The following MEGF8 variants were observed in gnomAD, a reference collection of about 807,000 sequenced individuals.
MEGF8 encodes multiple EGF like domains 8.
Under a neutral mutation model 302.9 loss-of-function variants are expected in MEGF8, and 156 were observed. That is an observed-to-expected ratio of 0.52 (90% CI 0.45 to 0.59). MEGF8 has a LOEUF of 0.59. Ranked by LOEUF, MEGF8 falls within the 20% of genes least tolerant of loss-of-function variation. MEGF8 has a pLI of 0.00. For synonymous variants in MEGF8, 1,621 were observed against 1,660.5 expected (o/e 0.98, Z 0.58); for missense variants, 3,345 against 3,964.5 (o/e 0.84, Z 4.20).
chr19:42,369,855 C>A lies in MEGF8; in HGVS notation c.6834+132C>A. 9.2e-7 allele frequency: 1 copy of A among 1,087,822 alleles called. No homozygotes were observed. The allele number at this position is 1,087,822 out of a possible 1,614,324, so 67.4% of individuals were successfully genotyped here. A position where few individuals can be genotyped will look rare whatever the true frequency, so the allele number is the denominator to read the frequency against. On this transcript the variant is annotated intron_variant, in intron 38 of 41. Transcript: ENST00000251268. This position sits in a 1 kb window ranked among gnomAD's most constrained non-coding sequence, Gnocchi z 5.7. ...GGGACAGATAAGCCAGAGCCCTGTC[C>A]CAGGGAGATGTGTGGAGACTTGGGG...
In MEGF8 at chr19:42,375,873, G is replaced by A; in HGVS notation, c.7636G>A (p.Ala2546Thr). ...CCCTGCAGATGGTGGGCCCCGGGGG[G>A]CTGGGGATCCAGGAGGAGCAGGGGC... ...PPPADGGPRG[A>T]GDPGGAGASS... Residue 2546 changes from alanine (A) to threonine (T), a missense_variant, in exon 42 of 42, where the codon GCT (alanine) becomes ACT (threonine). Ala to Thr is a moderately conservative substitution (Grantham distance 58, BLOSUM62 0). Coordinates refer to ENST00000251268, the MANE Select transcript of MEGF8 (RefSeq NM_001271938.2). The surrounding 1 kb of genome is among the most constrained non-coding windows in gnomAD (Gnocchi z 7.1). 1 of 1,606,224 alleles carries A rather than the reference G, an allele frequency of 6.2e-7. No homozygotes were observed. The highest frequency in any genetic ancestry group is 8.5e-7 in the Non-Finnish European group (1 of 1,176,450).
chr19:42,354,828 G>T lies in MEGF8; in HGVS notation c.4144+108G>T. On this transcript the variant is annotated intron_variant, in intron 23 of 41. Transcript: ENST00000251268. The surrounding 1 kb of genome is among the most constrained non-coding windows in gnomAD (Gnocchi z 4.3). Reference sequence around the variant, plus strand: ...AGGACCCAGCTCTGCCGCTGCTTATGGGGTGATGTAGTCCCTCACCATCTC... The same window carrying T: ...AGGACCCAGCTCTGCCGCTGCTTATTGGGTGATGTAGTCCCTCACCATCTC... 1.6e-6 allele frequency: 2 copies of T among 1,237,260 alleles called. No individual in the cohort carries two copies. The highest frequency in any genetic ancestry group is 1.1e-6 in the Non-Finnish European group (1 of 908,514). The allele number at this position is 1,237,260 out of a possible 1,614,324, so 76.6% of individuals were successfully genotyped here. A position where few individuals can be genotyped will look rare whatever the true frequency, so the allele number is the denominator to read the frequency against.
In MEGF8 at chr19:42,344,343, C is replaced by T. The variant is rs1363340556; in HGVS notation, c.1789-98C>T. On this transcript the variant is annotated intron_variant, in intron 10 of 41. Coordinates refer to ENST00000251268, the MANE Select transcript of MEGF8 (RefSeq NM_001271938.2). The surrounding 1 kb of genome is among the most constrained non-coding windows in gnomAD (Gnocchi z 4.5). ...TCAACTCCCCGTTCTTCAGTTTTTT[C>T]GCCCTTTCCATCGCAGGACCCTGTA... is the stretch of plus-strand genomic sequence containing the variant. 37 of 1,346,350 alleles carry T rather than the reference C, an allele frequency of 2.7e-5. No homozygotes were observed. The highest frequency in any genetic ancestry group is 1.9e-4 in the South Asian group (14 of 71,822). The allele number at this position is 1,346,350 out of a possible 1,614,324, so 83.4% of individuals were successfully genotyped here.
intron 41 of MEGF8, among the ~76,000 whole-genome samples, chr19:42,372,746 C>T (rs996383016): frequency 6.6e-6 from 1 of 151,656 alleles, no homozygotes; most frequent in Non-Finnish European, 1.5e-5. Flanking sequence ...GATCTTTGCT[C>T]GAGGCAGCCT....
chr19:42,366,091 AAAG>A (rs550491292), intron 35 of MEGF8, among the ~76,000 whole-genome samples: 126 of 152,334 alleles, frequency 8.3e-4, no homozygotes, highest in African/African-American at 2.9e-3. Flanking sequence ...AAAGAAAAAA[AAAG>A]AAGTGTTGGC....
rs1215918793 is a variant in MEGF8, at chr19:42,353,960, C to T, written c.3947C>T (p.Ala1316Val). The part of the protein sequence containing the change: ...VSATEELQPC[A>V]PGTLCPPLTL... Reference sequence around the variant, plus strand: ...GCCACTGAGGAGCTACAGCCCTGTGCTCCCGGGACCCTCTGTCCCCCACTC... The same window carrying T: ...GCCACTGAGGAGCTACAGCCCTGTGTTCCCGGGACCCTCTGTCCCCCACTC... Residue 1316 changes from alanine (A) to valine (V), a missense_variant, in exon 22 of 42, where the codon GCT (alanine) becomes GTT (valine). Ala to Val is a moderately conservative substitution (Grantham distance 64). Transcript: ENST00000251268. This position sits in a 1 kb window ranked among gnomAD's most constrained non-coding sequence, Gnocchi z 6.1. The T allele has an allele frequency of 6.3e-7, 1 of 1,582,526 alleles. No individual in the cohort carries two copies. The highest frequency in any genetic ancestry group is 8.6e-7 in the Non-Finnish European group (1 of 1,164,566).
chr19:42,371,431 C>T lies in MEGF8; in HGVS notation c.7218C>T (p.Gly2406=), dbSNP rs1488215446. ...CATGTCAGAATAACACAGAGACGGGCACATGCCAGGGCAGCTCCCCCAGTG... is the reference window on the plus strand; with the variant it reads ...CATGTCAGAATAACACAGAGACGGGTACATGCCAGGGCAGCTCCCCCAGTG... ...GCPCQNNTET[G]TCQGSSPSDR... is the part of the protein sequence containing the mutation. The change falls in exon 41 of 42, where the codon GGC becomes GGT. Residue 2406 remains glycine, a synonymous_variant. Coordinates refer to ENST00000251268, the MANE Select transcript of MEGF8 (RefSeq NM_001271938.2). 1 of 1,613,858 alleles carries T rather than the reference C, an allele frequency of 6.2e-7. No individual in the cohort carries two copies. The highest frequency in any genetic ancestry group is 8.5e-7 in the Non-Finnish European group (1 of 1,179,910).
rs944170737 is a variant in MEGF8, at chr19:42,355,439, C to T, written c.4145-319C>T. ...AGGGCCCAATTCACGTTTTGAGGAT[C>T]GCTGGGCCACCATGAGTGGGGAGTG... On this transcript the variant is annotated intron_variant, in intron 23 of 41. Transcript: ENST00000251268. 7.9e-5 allele frequency among the ~76,000 whole-genome samples: 12 copies of T among 152,164 alleles called. No individual in the cohort carries two copies. The South Asian group carries it at 1.0e-3, about 13-fold the overall frequency.
Position 42,377,765 on chromosome 19 carries a change from T to A in MEGF8, c.*990T>A, listed in dbSNP as rs1328404068. On this transcript the variant is annotated 3_prime_UTR_variant, in exon 42 of 42. Coordinates refer to ENST00000251268, the MANE Select transcript of MEGF8 (RefSeq NM_001271938.2). ...TTGCGTCACTGCACTCCAACCTGGG[T>A]GACAGAGCGAGACTCCACCTCAAAA... 1 of 147,322 alleles carries A rather than the reference T, an allele frequency of 6.8e-6. No individual in the cohort carries two copies. Among genetic ancestry groups the A allele is most frequent in the East Asian group, 2.0e-4 (1 of 5,056 alleles). 9.1% of individuals were successfully genotyped at this position (147,322 alleles called of 1,614,324 possible).
intron 12 of MEGF8, among the ~76,000 whole-genome samples, chr19:42,346,410 C>T (rs950647800): frequency 2.0e-5 from 3 of 151,852 alleles, no homozygotes; most frequent in Admixed American, 6.6e-5. Context: ...GGCGTGATGT[C>T]GGGTGCCTGT....
chr19:42,366,850 C>T (rs1280413606), intron 35 of MEGF8, among the ~76,000 whole-genome samples: 1 of 152,180 alleles, frequency 6.6e-6, no homozygotes, highest in Non-Finnish European at 1.5e-5. Context: ...CCACCATCTG[C>T]CAACAAGTGC....
Position 42,358,943 on chromosome 19 carries a change from C to A in MEGF8, c.5332C>A (p.His1778Asn), listed in dbSNP as rs746722708. 1.4e-5 allele frequency: 22 copies of A among 1,609,814 alleles called. 1 individual carries two copies. The South Asian group carries it at 2.3e-4, about 17-fold the overall frequency. ...TGGFLEEISPHLKEPRPRLFH... is the reference protein window; with the variant it reads ...TGGFLEEISPNLKEPRPRLFH... ...AGGTTTCCTGGAGGAAATCTCACCT[C>A]ACCTGAAGGAGGTGAGATTTGAAGA... Residue 1778 changes from histidine (H) to asparagine (N), a missense_variant, in exon 30 of 42, where the codon CAC becomes AAC. His to Asn is a moderately conservative substitution (Grantham distance 68). Transcript: ENST00000251268. This position sits in a 1 kb window ranked among gnomAD's most constrained non-coding sequence, Gnocchi z 4.4.
Position 42,349,541 on chromosome 19 carries a change from C to T in MEGF8, c.2341C>T (p.Arg781Trp), listed in dbSNP as rs745353025. The T allele has an allele frequency of 1.4e-5, 22 of 1,611,908 alleles. No individual in the cohort carries two copies. Among genetic ancestry groups the T allele is most frequent in the South Asian group, 3.3e-5 (3 of 91,058 alleles). ...RWVAHQEKET[R>W]RLQRPGSARL... Reference sequence around the variant, plus strand: ...GGTGGCTCATCAGGAGAAGGAGACGCGGCGGCTGCAGCGCCCTGGGTCTGC... The same window carrying T: ...GGTGGCTCATCAGGAGAAGGAGACGTGGCGGCTGCAGCGCCCTGGGTCTGC... Residue 781 changes from arginine (R) to tryptophan (W), a missense_variant, in exon 14 of 42, where the codon CGG becomes TGG. Arg to Trp is a moderately radical substitution (Grantham distance 101, BLOSUM62 -3). Coordinates refer to ENST00000251268, the MANE Select transcript of MEGF8 (RefSeq NM_001271938.2).
rs1395974406 is a variant in MEGF8, at chr19:42,356,291, G to T, written c.4504-44G>T. The T allele has an allele frequency of 4.2e-5, 66 of 1,582,396 alleles. No homozygotes were observed. Among genetic ancestry groups the T allele is most frequent in the Non-Finnish European group, 5.4e-5 (63 of 1,165,080 alleles). On this transcript the variant is annotated intron_variant, in intron 25 of 41. Transcript: ENST00000251268. This position sits in a 1 kb window ranked among gnomAD's most constrained non-coding sequence, Gnocchi z 5.2. ...CCCCTACACCCAGGCCTGGCACTTT[G>T]TCCTGACCCTAGCCTGATCCCCAAT...
rs775713143 is a variant in MEGF8 at position 42,351,606 on chromosome 19, C to T, written c.2988-42C>T. ...CTAACAGAGGAAGATTCCCCACCGG[C>T]AAGGGGCTGGGGCTCTGACCCCCAC... is the stretch of plus-strand genomic sequence containing the variant. On this transcript the variant is annotated intron_variant, in intron 17 of 41. Transcript: ENST00000251268. The surrounding 1 kb of genome is among the most constrained non-coding windows in gnomAD (Gnocchi z 5.6). 6.2e-7 allele frequency: 1 copy of T among 1,601,140 alleles called. No individual in the cohort carries two copies. Among genetic ancestry groups the T allele is most frequent in the South Asian group, 1.1e-5 (1 of 88,856 alleles).
intron 12 of MEGF8, among the ~76,000 whole-genome samples, chr19:42,345,388 G>C (rs1268924658): frequency 2.6e-5 from 4 of 152,202 alleles, no homozygotes; most frequent in African/African-American, 7.2e-5. Flanking sequence ...TCTTGTTACA[G>C]AACATTTTCA....
At position 42,353,357 on chromosome 19, in the gene MEGF8, T is replaced by C. The variant is rs917487739; in HGVS notation, c.3551-108T>C. On this transcript the variant is annotated intron_variant, in intron 20 of 41. Transcript: ENST00000251268. This position sits in a 1 kb window ranked among gnomAD's most constrained non-coding sequence, Gnocchi z 6.1. ...GTTTCCCCTGATCTGGGCCTTGGTT[T>C]CTCACCTTTGAAGCGGCTGGGTGGG... is the stretch of plus-strand genomic sequence containing the variant. The C allele has an allele frequency of 7.5e-7, 1 of 1,324,646 alleles. No homozygotes were observed. Among genetic ancestry groups the C allele is most frequent in the African/African-American group, 1.5e-5 (1 of 67,880 alleles). 82.1% of individuals were successfully genotyped at this position (1,324,646 alleles called of 1,614,324 possible). A position where few individuals can be genotyped will look rare whatever the true frequency, so the allele number is the denominator to read the frequency against.
At position 42,362,393 on chromosome 19, in the gene MEGF8, C is replaced by T; in HGVS notation, c.5854C>T (p.Pro1952Ser). Residue 1952 changes from proline to serine, a missense_variant, in exon 34 of 42, where the codon CCC (proline) becomes TCC (serine). Coordinates refer to ENST00000251268, the MANE Select transcript of MEGF8 (RefSeq NM_001271938.2). The part of the protein sequence containing the change: ...LQPGDGEAST[P>S]RCKWCTNCPE... ...TGTCTTCCCTCACCAGGCGTCCACC[C>T]CCCGCTGTAAGTGGTGTACCAACTG... is the stretch of plus-strand genomic sequence containing the variant. The T allele has an allele frequency of 1.2e-6, 2 of 1,613,888 alleles. No individual in the cohort carries two copies. Among genetic ancestry groups the T allele is most frequent in the Non-Finnish European group, 1.7e-6 (2 of 1,179,868 alleles).
In MEGF8 at chr19:42,354,167, A is replaced by C; in HGVS notation, c.4011+143A>C. On this transcript the variant is annotated intron_variant, in intron 22 of 41. Transcript: ENST00000251268. The surrounding 1 kb of genome is among the most constrained non-coding windows in gnomAD (Gnocchi z 4.3). Reference sequence around the variant, plus strand: ...TCCTTCAAAACCCAAACTCCTCCTCAGATCCCCAGCACTTTGTTCCTAGGC... The same window carrying C: ...TCCTTCAAAACCCAAACTCCTCCTCCGATCCCCAGCACTTTGTTCCTAGGC... 1 of 1,038,246 alleles carries C rather than the reference A, an allele frequency of 9.6e-7. No individual in the cohort carries two copies. Among genetic ancestry groups the C allele is most frequent in the Non-Finnish European group, 1.4e-6 (1 of 740,670 alleles). The allele number at this position is 1,038,246 out of a possible 1,614,324, so 64.3% of individuals were successfully genotyped here. A position where few individuals can be genotyped will look rare whatever the true frequency, so the allele number is the denominator to read the frequency against.
Sources: allele counts gnomAD v4.1 joint callset (sites outside exome capture counted in the v4.1 genomes callset), GRCh38; gene constraint gnomAD v4.1.1; non-coding constraint Gnocchi (gnomAD v3.1); transcripts MANE v1.5; gene names NCBI Gene and HGNC (gene_info 2026-07-23, HGNC 2026-07-21).